FA2H: variants seen among roughly 807,000 people sequenced by gnomAD.
FA2H encodes fatty acid alpha-hydroxylase.
FA2H carries 22 observed loss-of-function variants against 44.9 expected under a neutral mutation model. The ratio of observed to expected loss-of-function variants is 0.49; its 90% CI spans 0.35 to 0.70. The LOEUF is 0.70. FA2H is among the 30% of genes least tolerant of loss of function. The pLI, the probability that FA2H is intolerant of heterozygous loss-of-function variation, is 0.01. For synonymous variants in FA2H, 243 were observed against 213.2 expected (o/e 1.14, Z -1.22); for missense variants, 501 against 504.9 (o/e 0.99, Z 0.07).
chr16:74,768,279 G>A (rs1305187280), intron 1 of FA2H, among the ~76,000 whole-genome samples: 1 of 152,168 alleles, frequency 6.6e-6, no homozygotes, highest in African/African-American at 2.4e-5. Context: ...GGGTCTCAAA[G>A]CCTCTTTATT....
intron 1 of FA2H, among the ~76,000 whole-genome samples, chr16:74,746,738 G>T (rs183411560): frequency 6.6e-6 from 1 of 152,122 alleles, no homozygotes; most frequent in Non-Finnish European, 1.5e-5. Flanking sequence ...AGAGACAGAC[G>T]AGAGCAGGGG....
At chr16:74,723,689 T>C (rs2144612556) in intron 4 of FA2H, among the ~76,000 whole-genome samples, 1 of 152,210 alleles carries the variant, frequency 6.6e-6, no homozygotes, top group Admixed American at 6.5e-5. Flanking sequence ...CCCTGATACC[T>C]CTGGGGTCCA....
At chr16:74,741,306 A>G (rs1174905670) in intron 1 of FA2H, 2 of 152,158 alleles carry the variant, frequency 1.3e-5, no homozygotes, top group African/African-American at 2.4e-5. Context: ...TGACTTGTAC[A>G]TTTTTGTTTC....
chr16:74,716,429 G>A lies in FA2H; in HGVS notation c.957C>T (p.His319=), dbSNP rs1293252892. ...AGGAGCCCTTGTGCGGCGAGCCAAA[G>A]TGCAGGTAGTAATGGGTCATGTCAT... ...VLYDMTHYYL[H]FGSPHKGSYL... Residue 319 remains histidine (H), a synonymous_variant, in exon 6 of 7, where the codon CAC becomes CAT. Coordinates refer to ENST00000219368, the MANE Select transcript of FA2H (RefSeq NM_024306.5). 2.5e-6 allele frequency: 4 copies of A among 1,613,974 alleles called. No individual in the cohort carries two copies. The highest frequency in any genetic ancestry group is 3.4e-6 in the Non-Finnish European group (4 of 1,180,036).
intron 1 of FA2H, among the ~76,000 whole-genome samples, chr16:74,763,213 G>A (rs1962744508): frequency 6.6e-6 from 1 of 152,152 alleles, no homozygotes; most frequent in Non-Finnish European, 1.5e-5. Context: ...TAGGGGCTAT[G>A]TACAAGTACC....
At chr16:74,759,050 A>G (rs1259169399) in intron 1 of FA2H, among the ~76,000 whole-genome samples, 3 of 152,180 alleles carry the variant, frequency 2.0e-5, no homozygotes, top group African/African-American at 7.2e-5. Context: ...ACTCTGTTGC[A>G]CCTGGCAGGT....
At chr16:74,765,260 G>A (rs1041996500) in intron 1 of FA2H, among the ~76,000 whole-genome samples, 2 of 151,516 alleles carry the variant, frequency 1.3e-5, no homozygotes, top group East Asian at 1.9e-4. Flanking sequence ...GGGTTCAAGC[G>A]ACTCTCCTGC....
chr16:74,742,769 T>C (rs768173706), intron 1 of FA2H, among the ~76,000 whole-genome samples: 6 of 152,056 alleles, frequency 3.9e-5, no homozygotes, highest in Admixed American at 1.3e-4. Context: ...GCCCAGGAGG[T>C]TGAGGCTATG....
At chr16:74,754,720 G>T (rs1045408887) in intron 1 of FA2H, among the ~76,000 whole-genome samples, 1 of 151,918 alleles carries the variant, frequency 6.6e-6, no homozygotes, top group Admixed American at 6.6e-5. Flanking sequence ...TAGAGACAGG[G>T]TCTCCCTATG....
At chr16:74,753,993 T>C (rs1252856927) in intron 1 of FA2H, among the ~76,000 whole-genome samples, 3 of 152,254 alleles carry the variant, frequency 2.0e-5, no homozygotes, top group African/African-American at 7.2e-5. Flanking sequence ...GTCTTCGACA[T>C]TGAACTCTCT....
chr16:74,716,337 C>G lies in FA2H; in HGVS notation c.1039+10G>C. 6.2e-7 allele frequency: 1 copy of G among 1,613,258 alleles called. No homozygotes were observed. The highest frequency in any genetic ancestry group is 8.5e-7 in the Non-Finnish European group (1 of 1,179,544). On this transcript the variant is annotated intron_variant, in intron 6 of 6. Coordinates refer to ENST00000219368, the MANE Select transcript of FA2H (RefSeq NM_024306.5). ...ACATAGGGGGCTGGGAAGCACAGGC[C>G]CATCCTCACCTGACTTCTGATGTGC... is the stretch of plus-strand genomic sequence containing the variant.
intron 2 of FA2H, among the ~76,000 whole-genome samples, chr16:74,729,293 G>A (rs553429634): frequency 6.6e-6 from 1 of 152,238 alleles, no homozygotes; most frequent in South Asian, 2.1e-4. Context: ...ATGGGCGTAA[G>A]CCACCACACC....
At chr16:74,740,344 C>T (rs1178750958) in intron 1 of FA2H, among the ~76,000 whole-genome samples, 1 of 152,106 alleles carries the variant, frequency 6.6e-6, no homozygotes, top group Non-Finnish European at 1.5e-5. Flanking sequence ...CAGCCGGGCG[C>T]AGTGGCTCAC....
chr16:74,759,733 C>T (rs891122685), intron 1 of FA2H, among the ~76,000 whole-genome samples: 1 of 152,216 alleles, frequency 6.6e-6, no homozygotes, highest in African/African-American at 2.4e-5. Flanking sequence ...TGGCCTGAGG[C>T]TCTGTCTGCC....
chr16:74,750,154 G>A (rs1263738044), intron 1 of FA2H, among the ~76,000 whole-genome samples: 2 of 152,196 alleles, frequency 1.3e-5, no homozygotes, highest in East Asian at 1.9e-4. Context: ...CTTCTGGACC[G>A]TAGTCTCTCA....
Position 74,720,082 on chromosome 16 carries a change from C to T in FA2H, c.614-922G>A, listed in dbSNP as rs893888543. ...CCACCCTCCGGAGACAGCCTGCAGT[C>T]CTAGCGGCTTTCAGCTCTTTCCTCC... On this transcript the variant is annotated intron_variant, in intron 4 of 6. Transcript: ENST00000219368. Among the ~76,000 whole-genome samples, 25 of 151,176 alleles carry T rather than the reference C, an allele frequency of 1.7e-4. No individual in the cohort carries two copies. In the East Asian group the frequency reaches 3.7e-3, roughly 22 times the overall value.
intron 1 of FA2H, among the ~76,000 whole-genome samples, chr16:74,763,908 C>T (rs181696045): frequency 4.9e-4 from 74 of 152,352 alleles, no homozygotes; most frequent in Non-Finnish European, 2.1e-4. Flanking sequence ...AATCCCACCA[C>T]CTTCAAATTT....
At chr16:74,749,537 G>T (rs1024152745) in intron 1 of FA2H, among the ~76,000 whole-genome samples, 5 of 152,196 alleles carry the variant, frequency 3.3e-5, no homozygotes, top group African/African-American at 4.8e-5. Context: ...TTGGGCCCTG[G>T]GGCGTTGACT....
chr16:74,748,372 G>A (rs1040462043), intron 1 of FA2H, among the ~76,000 whole-genome samples: 2 of 152,318 alleles, frequency 1.3e-5, no homozygotes, highest in Admixed American at 6.5e-5. Context: ...CACATGTGGC[G>A]GCGTCTCACT....
Sources: allele counts gnomAD v4.1 joint callset (sites outside exome capture counted in the v4.1 genomes callset), GRCh38; gene constraint gnomAD v4.1.1; transcripts MANE v1.5; gene names NCBI Gene and HGNC (gene_info 2026-07-23, HGNC 2026-07-21).